Variants in STOML1 observed in about 807,000 individuals in gnomAD.
The protein encoded by STOML1 is stomatin like 1.
In STOML1, 27 loss-of-function variants were observed where a neutral mutation model predicts 35.7. The ratio of observed to expected loss-of-function variants is 0.76; its 90% CI spans 0.56 to 1.04. The LOEUF (loss-of-function observed/expected upper bound fraction) is 1.04, where lower values mean the gene tolerates loss of function less well. Among genes scored for constraint, STOML1 ranks in the 50% least tolerant of loss-of-function variants. STOML1 has a pLI of 0.00. For synonymous variants in STOML1, 219 were observed against 227.9 expected (o/e 0.96, Z 0.35); for missense variants, 451 against 527.1 (o/e 0.86, Z 1.41).
At chr15:73,994,050 A>T (rs558333270), upstream of STOML1, among the ~76,000 whole-genome samples, 1 of 152,240 alleles carries the variant, frequency 6.6e-6, no homozygotes, top group East Asian at 1.9e-4. Flanking sequence ...TGTCAGAGTG[A>T]CTGTCCCATC....
At position 73,980,555 on chromosome 15, in the gene STOML1, A is replaced by G. The variant is rs1374076211; in HGVS notation, c.*3382T>C. 6.6e-6 allele frequency: 1 copy of G among 152,208 alleles called. No homozygotes were observed. The highest frequency in any genetic ancestry group is 2.4e-5 in the African/African-American group (1 of 41,444). The allele number at this position is 152,208 out of a possible 1,614,324, so 9.4% of individuals were successfully genotyped here. A position where few individuals can be genotyped will look rare whatever the true frequency, so the allele number is the denominator to read the frequency against. Reference sequence around the variant, plus strand: ...TGTTTCTATGTTGCCATTTGTATAAAAACAGGAACAACAAAAACCCAGAAG... The same window carrying G: ...TGTTTCTATGTTGCCATTTGTATAAGAACAGGAACAACAAAAACCCAGAAG... On this transcript the variant is annotated 3_prime_UTR_variant, in exon 7 of 7. Coordinates refer to ENST00000541638, the MANE Select transcript of STOML1 (RefSeq NM_004809.5).
In STOML1 at chr15:73,991,016, T is replaced by C. The variant is rs959058385; in HGVS notation, c.134-559A>G. The C allele has an allele frequency of 4.1e-5, 58 of 1,403,670 alleles. No homozygotes were observed. In the African/African-American group the frequency reaches 7.1e-4, roughly 17 times the overall value. 87.0% of individuals were successfully genotyped at this position (1,403,670 alleles called of 1,614,324 possible). A position where few individuals can be genotyped will look rare whatever the true frequency, so the allele number is the denominator to read the frequency against. ...GAGGAATTAGATTATTATTTTCTAT[T>C]CCACACCCAACTTTAATGCCTTAAT... On this transcript the variant is annotated intron_variant, in intron 1 of 6. Transcript: ENST00000541638.
chr15:73,985,228 G>A, intron 5 of STOML1, 90 bp downstream of exon 5: 2 of 1,352,868 alleles, frequency 1.5e-6, no homozygotes, highest in Non-Finnish European at 9.9e-7. Flanking sequence ...TGCAGGGTGT[G>A]TACTGCACAG....
upstream of STOML1, among the ~76,000 whole-genome samples, chr15:73,993,105 G>A (rs111819443): frequency 1.9e-3 from 284 of 152,298 alleles, no homozygotes; most frequent in Non-Finnish European, 3.3e-3. Context: ...TGCAGACTTC[G>A]GGGAGCATGG....
upstream of STOML1, among the ~76,000 whole-genome samples, chr15:73,993,715 C>A (rs1450008964): frequency 1.3e-5 from 2 of 152,194 alleles, no homozygotes; most frequent in Non-Finnish European, 2.9e-5. Context: ...ACAGTGGTTG[C>A]GATGGTTTAA....
chr15:73,984,959 C>T, intron 5 of STOML1, 88 bp from the exon 6 acceptor site: 1 of 1,466,992 alleles, frequency 6.8e-7, no homozygotes, highest in Non-Finnish European at 9.3e-7. Context: ...GGCCTCTGCA[C>T]CTTTTGTGGC....
chr15:73,985,567 A>G (rs2069070928), intron 4 of STOML1, 54 bp from the exon 5 acceptor site: 5 of 1,521,908 alleles, frequency 3.3e-6, no homozygotes. Flanking sequence ...TTTCCTGAGC[A>G]CCTTCTTTGG....
rs1468238902 is a variant in STOML1 at position 73,980,258 on chromosome 15, T to A, written c.*3679A>T. The A allele has an allele frequency of 6.6e-6, 1 of 152,232 alleles. No individual in the cohort carries two copies. Among genetic ancestry groups the A allele is most frequent in the African/African-American group, 2.4e-5 (1 of 41,456 alleles). 9.4% of individuals were successfully genotyped at this position (152,232 alleles called of 1,614,324 possible). On this transcript the variant is annotated 3_prime_UTR_variant, in exon 7 of 7. Coordinates refer to ENST00000541638, the MANE Select transcript of STOML1 (RefSeq NM_004809.5). ...GCAATATTTACTAAATTATAAATGC[T>A]TTGATTTAGCAATTCCACTTCTAGG...
At position 73,992,175 on chromosome 15, in the gene STOML1, G is replaced by A. The variant is rs764628931; in HGVS notation, c.49C>T (p.Arg17Cys). ...YRALPLGDFD[R>C]FQQSSFGFLG... is the part of the protein sequence containing the mutation. ...AAGCCGAAGCTCGACTGCTGGAAGC[G>A]GTCAAAATCACCCAGGGGCAGCGCC... The change falls in exon 1 of 7, where the codon CGC becomes TGC. Residue 17 changes from arginine (R) to cysteine (C), a missense_variant. Coordinates refer to ENST00000541638, the MANE Select transcript of STOML1 (RefSeq NM_004809.5). The A allele has an allele frequency of 1.9e-6, 3 of 1,608,442 alleles. No homozygotes were observed. The highest frequency in any genetic ancestry group is 2.5e-6 in the Non-Finnish European group (3 of 1,178,034).
chr15:73,985,593 G>A (rs2069072448), intron 4 of STOML1, 80 bp from the exon 5 acceptor site: 6 of 1,475,512 alleles, frequency 4.1e-6, no homozygotes, highest in East Asian at 2.6e-5. Context: ...CTGTGTGGCC[G>A]TGCATGGACA....
At position 73,984,804 on chromosome 15, in the gene STOML1, C is replaced by T; in HGVS notation, c.858G>A (p.Pro286=). The T allele has an allele frequency of 6.8e-6, 11 of 1,614,096 alleles. No individual in the cohort carries two copies. The highest frequency in any genetic ancestry group is 3.3e-5 in the South Asian group (3 of 91,082). The change falls in exon 6 of 7, where the codon CCG becomes CCA. Residue 286 remains proline (P), a synonymous_variant. Transcript: ENST00000541638. ...GTAGCCCCTCCGCCAGAGGCTGCTT[C>T]GGACTGGACCTGGCACCAACTTGAG... is the stretch of plus-strand genomic sequence containing the variant. ...PAPQVGARSS[P]KQPLAEGLLT...
intron 5 of STOML1, among the ~76,000 whole-genome samples, 168 bp downstream of exon 5, chr15:73,985,150 C>T (rs1317070621): frequency 6.6e-6 from 1 of 152,206 alleles, no homozygotes; most frequent in African/African-American, 2.4e-5. Context: ...TGCCAATGGC[C>T]TCTACACACT....
Position 73,985,301 on chromosome 15 carries a change from T to C in STOML1, c.790+17A>G. ...AAGCTGGTAAACACCCCCGCTCTCC[T>C]CCCCAGGGCTCCTCACCTGGCCCCG... On this transcript the variant is annotated intron_variant, in intron 5 of 6. Coordinates refer to ENST00000541638, the MANE Select transcript of STOML1 (RefSeq NM_004809.5). 1 of 1,515,152 alleles carries C rather than the reference T, an allele frequency of 6.6e-7. No homozygotes were observed. Among genetic ancestry groups the C allele is most frequent in the South Asian group, 1.4e-5 (1 of 73,582 alleles). The allele number at this position is 1,515,152 out of a possible 1,614,324, so 93.9% of individuals were successfully genotyped here.
intron 1 of STOML1, 28 bp from the exon 2 acceptor site, chr15:73,990,485 T>G (rs770519848): frequency 9.0e-6 from 14 of 1,560,684 alleles, no homozygotes; most frequent in Middle Eastern, 1.8e-4. Flanking sequence ...GGTGGTCAAC[T>G]GGACCTGCAC....
intron 2 of STOML1, chr15:73,990,069 G>T: frequency 3.2e-6 from 1 of 313,468 alleles, no homozygotes; most frequent in Non-Finnish European, 6.0e-6. Flanking sequence ...AGATAATTTG[G>T]CAAAGACATC....
intron 1 of STOML1, chr15:73,991,053 A>C (rs1424224585): frequency 7.5e-7 from 1 of 1,338,804 alleles, no homozygotes; most frequent in African/African-American, 1.5e-5. Flanking sequence ...ACCATTAAAA[A>C]ATGCCTATTT....
rs1395112801 is a variant in STOML1 at position 73,988,349 on chromosome 15, CA to C, written c.594+249del. On this transcript the variant is annotated intron_variant, in intron 4 of 6. Coordinates refer to ENST00000541638, the MANE Select transcript of STOML1 (RefSeq NM_004809.5). The surrounding 1 kb of genome is among the most constrained non-coding windows in gnomAD (Gnocchi z 4.8). Reference sequence around the variant, plus strand: ...GGGGTAAAAACTAAGGGGCAGACCCCAAGAATGTCTGCCGGGGCCACTTCCT... The same window carrying C: ...GGGGTAAAAACTAAGGGGCAGACCCCAGAATGTCTGCCGGGGCCACTTCCT... 1.9e-6 allele frequency: 1 copy of C among 514,414 alleles called. No individual in the cohort carries two copies. Among genetic ancestry groups the C allele is most frequent in the Non-Finnish European group, 3.5e-6 (1 of 285,424 alleles). 31.9% of individuals were successfully genotyped at this position (514,414 alleles called of 1,614,324 possible). A position where few individuals can be genotyped will look rare whatever the true frequency, so the allele number is the denominator to read the frequency against.
Position 73,983,014 on chromosome 15 carries a change from A to G in STOML1, c.*923T>C, listed in dbSNP as rs1354371946. On this transcript the variant is annotated 3_prime_UTR_variant, in exon 7 of 7. Transcript: ENST00000541638. ...CCTGGTGAACCTGTATCCCACTACA[A>G]AGAGGAACAGAACTCCCCACCCAGC... is the stretch of plus-strand genomic sequence containing the variant. The G allele has an allele frequency of 6.6e-6, 1 of 152,176 alleles. No homozygotes were observed. Among genetic ancestry groups the G allele is most frequent in the Non-Finnish European group, 1.5e-5 (1 of 68,096 alleles). The allele number at this position is 152,176 out of a possible 1,614,324, so 9.4% of individuals were successfully genotyped here.
chr15:73,985,804 G>T, intron 4 of STOML1: 1 of 382,884 alleles, frequency 2.6e-6, no homozygotes, highest in Non-Finnish European at 4.7e-6. Flanking sequence ...CAAAACCCCA[G>T]ACAAGAAAAC....
Sources: gnomAD v4.1 joint callset for allele counts (sites outside exome capture counted in the v4.1 genomes callset) on GRCh38, gnomAD v4.1.1 for gene constraint, Gnocchi (gnomAD v3.1) non-coding constraint, MANE v1.5 for transcripts, NCBI Gene and HGNC (gene_info 2026-07-23, HGNC 2026-07-21) for gene names.